CCAR2: variants seen among roughly 807,000 people sequenced by gnomAD.
CCAR2 encodes the protein cell cycle and apoptosis regulator protein 2.
Under a neutral mutation model 108.1 loss-of-function variants are expected in CCAR2, and 21 were observed. The ratio of observed to expected loss-of-function variants is 0.19; its 90% CI spans 0.14 to 0.28. CCAR2 has a LOEUF of 0.28. Among genes scored for constraint, CCAR2 ranks in the 10% least tolerant of loss-of-function variants. CCAR2 has a pLI of 1.00. For missense variants in CCAR2, 1,126 were observed against 1,177.0 expected (o/e 0.96, Z 0.63); for synonymous variants, 577 against 472.8 (o/e 1.22, Z -2.86).
At chr8:22,605,480 G>A in intron 1 of CCAR2, 1 of 383,238 alleles carries the variant, frequency 2.6e-6, no homozygotes, top group Non-Finnish European at 4.8e-6. Context: ...TGATCTCTCT[G>A]AGCATCAGTT....
chr8:22,613,283 T>C, intron 8 of CCAR2, 147 bp downstream of exon 8: 1 of 822,414 alleles, frequency 1.2e-6, no homozygotes, highest in Non-Finnish European at 1.7e-6. Context: ...TTGTACATAC[T>C]GTTTGGTGGT....
chr8:22,608,047 G>A lies in CCAR2; in HGVS notation c.566G>A (p.Arg189Gln), dbSNP rs1196208022. 8 of 1,613,820 alleles carry A rather than the reference G, an allele frequency of 5.0e-6. No homozygotes were observed. Among genetic ancestry groups the A allele is most frequent in the African/African-American group, 1.3e-5 (1 of 75,022 alleles). ...NRFPARGPHG[R>Q]LDQGRSDDYD... is the part of the protein sequence containing the mutation. ...TTTCCTGCCCGGGGCCCTCATGGAC[G>A]GTTGGATCAGGGCCGAAGGTAAGAG... The change falls in exon 7 of 21, where the codon CGG (arginine) becomes CAG (glutamine). Residue 189 changes from arginine to glutamine, a missense_variant. Arg to Gln is a conservative substitution (Grantham distance 43). Around this residue, in one of 4 missense-constraint regions of CCAR2, gnomAD observed 1,013 missense variants for 993.9 expected, o/e 1.02. Coordinates refer to ENST00000308511, the MANE Select transcript of CCAR2 (RefSeq NM_001393997.1).
chr8:22,605,862 C>A, intron 2 of CCAR2, 31 bp downstream of exon 2: 1 of 1,604,988 alleles, frequency 6.2e-7, no homozygotes, highest in Non-Finnish European at 8.5e-7. Context: ...CTGGCCTCAT[C>A]CTGGGAAGTA....
chr8:22,615,948 G>C (rs1420021162), intron 13 of CCAR2, 36 bp downstream of exon 13: 15 of 1,613,116 alleles, frequency 9.3e-6, no homozygotes, highest in Non-Finnish European at 1.3e-5. Context: ...CTGTGGGCTG[G>C]GATTTGTGGG....
At chr8:22,616,443 GAGCAGC>G in intron 14 of CCAR2, 195 bp downstream of exon 14, 1 of 598,616 alleles carries the variant, frequency 1.7e-6, no homozygotes, top group Non-Finnish European at 3.0e-6. Flanking sequence ...GAGCATGGCT[GAGCAGC>G]CTGACAGCAC....
At chr8:22,608,135 T>G (rs1366006797) in intron 7 of CCAR2, 70 bp downstream of exon 7, 13 of 1,312,124 alleles carry the variant, frequency 9.9e-6, no homozygotes, top group Admixed American at 4.1e-5. Context: ...ATTATTATTT[T>G]TTTGTGTTGG....
chr8:22,615,010 G>C lies in CCAR2; in HGVS notation c.1205+9G>C. ...AGCGGCTGTACCAAGTGGTGAGTGGGCTTCCTGAGCCTCAGCTGCACCAAC... is the reference window on the plus strand; with the variant it reads ...AGCGGCTGTACCAAGTGGTGAGTGGCCTTCCTGAGCCTCAGCTGCACCAAC... On this transcript the variant is annotated intron_variant, in intron 11 of 20. Transcript: ENST00000308511. 6.4e-7 allele frequency: 1 copy of C among 1,551,460 alleles called. No homozygotes were observed. The highest frequency in any genetic ancestry group is 8.7e-7 in the Non-Finnish European group (1 of 1,146,576).
At chr8:22,611,404 G>GTGTGTGTGTGTGTGTGTGTGTGTGTA (rs1427803187) in intron 7 of CCAR2, among the ~76,000 whole-genome samples, 1 of 105,254 alleles carries the variant, frequency 9.5e-6, no homozygotes, top group African/African-American at 3.4e-5. Flanking sequence ...GTGTGTGTGT[G>GTGTGTGTGTGTGTGTGTGTGTGTGTA]TATGTGTGTG....
chr8:22,619,878 C>T lies in CCAR2; in HGVS notation c.*196C>T, dbSNP rs1346296438. 1.0e-5 allele frequency: 6 copies of T among 599,008 alleles called. No individual in the cohort carries two copies. Among genetic ancestry groups the T allele is most frequent in the Admixed American group, 5.8e-5 (2 of 34,528 alleles). 37.1% of individuals were successfully genotyped at this position (599,008 alleles called of 1,614,324 possible). A position where few individuals can be genotyped will look rare whatever the true frequency, so the allele number is the denominator to read the frequency against. ...TATGTGGGATGGATGTGTGAGGAAC[C>T]CCGGTTCCACTTAACAACTAAATAC... is the stretch of plus-strand genomic sequence containing the variant. On this transcript the variant is annotated 3_prime_UTR_variant, in exon 21 of 21. Transcript: ENST00000308511.
chr8:22,614,368 CTGAG>C lies in CCAR2; in HGVS notation c.928-19_928-16del. 1 of 1,613,908 alleles carries C rather than the reference CTGAG, an allele frequency of 6.2e-7. No homozygotes were observed. The highest frequency in any genetic ancestry group is 8.5e-7 in the Non-Finnish European group (1 of 1,179,794). ...TGATTTCTGGAGGCTGAAGGCAGCT[CTGAG>C]TGTCTCCTCCTGCACAGGTACTGCT... On this transcript the variant is annotated intron_variant, in intron 9 of 20. Coordinates refer to ENST00000308511, the MANE Select transcript of CCAR2 (RefSeq NM_001393997.1).
Position 22,608,064 on chromosome 8 carries a change from A to T in CCAR2, c.583A>T (p.Ser195Cys). The change falls in exon 7 of 21, where the codon AGT becomes TGT. Residue 195 changes from serine (S) to cysteine (C), a missense_variant and splice_region_variant. Transcript: ENST00000308511. ...GPHGRLDQGR[S>C]DDYDSKKRKQ... Reference sequence around the variant, plus strand: ...TCATGGACGGTTGGATCAGGGCCGAAGGTAAGAGGATGATGTCCCTTTTTT... The same window carrying T: ...TCATGGACGGTTGGATCAGGGCCGATGGTAAGAGGATGATGTCCCTTTTTT... 1 of 1,611,512 alleles carries T rather than the reference A, an allele frequency of 6.2e-7. No homozygotes were observed. Among genetic ancestry groups the T allele is most frequent in the Non-Finnish European group, 8.5e-7 (1 of 1,178,432 alleles).
In CCAR2 at chr8:22,614,200, G is replaced by C. The variant is rs976481992; in HGVS notation, c.813G>C (p.Gln271His). 1 of 1,613,958 alleles carries C rather than the reference G, an allele frequency of 6.2e-7. No homozygotes were observed. Among genetic ancestry groups the C allele is most frequent in the African/African-American group, 1.3e-5 (1 of 74,936 alleles). ...LSWLSAFPLSQPFSLHHPSRI... is the reference protein window; with the variant it reads ...LSWLSAFPLSHPFSLHHPSRI... ...GGCTATCAGCCTTCCCCCTGAGCCA[G>C]CCCTTTTCCCTCCATCATCCAAGCC... is the stretch of plus-strand genomic sequence containing the variant. The change falls in exon 9 of 21, where the codon CAG becomes CAC. Residue 271 changes from glutamine (Q) to histidine (H), a missense_variant. This residue lies in a region of CCAR2 where 1,013 missense variants were observed against 993.9 expected (regional missense o/e 1.02). Transcript: ENST00000308511.
At position 22,618,860 on chromosome 8, in the gene CCAR2, G is replaced by C; in HGVS notation, c.2366G>C (p.Ser789Thr). The C allele has an allele frequency of 1.2e-6, 2 of 1,613,972 alleles. No individual in the cohort carries two copies. The highest frequency in any genetic ancestry group is 1.1e-5 in the South Asian group (1 of 91,088). Reference sequence around the variant, plus strand: ...GACCTGCTGCCCCCTCCTGGGAAAAGCACGAAGCCAGGTGCTGCCCCCACA... The same window carrying C: ...GACCTGCTGCCCCCTCCTGGGAAAACCACGAAGCCAGGTGCTGCCCCCACA... Reference protein sequence around the residue: ...NLDLLPPPGKSTKPGAAPTEH... With the variant: ...NLDLLPPPGKTTKPGAAPTEH... The change falls in exon 19 of 21, where the codon AGC becomes ACC. Residue 789 changes from serine to threonine, a missense_variant. Around this residue, in one of 4 missense-constraint regions of CCAR2, gnomAD observed 1,013 missense variants for 993.9 expected, o/e 1.02. Coordinates refer to ENST00000308511, the MANE Select transcript of CCAR2 (RefSeq NM_001393997.1).
rs749383118 is a variant in CCAR2, at chr8:22,614,672, CAG to C, written c.1042-159_1042-158del. ...GCAGCTCAGAGCTGTTACGACTAGTCAGAGAGAGCGAGGTGGCTGGTTCATGT... is the reference window on the plus strand; with the variant it reads ...GCAGCTCAGAGCTGTTACGACTAGTCAGAGAGCGAGGTGGCTGGTTCATGT... On this transcript the variant is annotated intron_variant, in intron 10 of 20. Coordinates refer to ENST00000308511, the MANE Select transcript of CCAR2 (RefSeq NM_001393997.1). The C allele has an allele frequency of 9.4e-6, 10 of 1,061,222 alleles. No homozygotes were observed. In the East Asian group the frequency reaches 1.0e-4, roughly 11 times the overall value. 65.7% of individuals were successfully genotyped at this position (1,061,222 alleles called of 1,614,324 possible). A position where few individuals can be genotyped will look rare whatever the true frequency, so the allele number is the denominator to read the frequency against.
intron 16 of CCAR2, 98 bp from the exon 17 acceptor site, chr8:22,618,232 AGGCATGCATCACTGCATGT>A: frequency 7.4e-7 from 1 of 1,348,712 alleles, no homozygotes. Flanking sequence ...CTGGGACTTC[AGGCATGCATCACTGCATGT>A]GGCCCAAGCC....
downstream of CCAR2, chr8:22,620,753 A>C (rs1302326884): frequency 6.6e-6 from 1 of 152,250 alleles, no homozygotes; most frequent in Non-Finnish European, 1.5e-5. Flanking sequence ...ATAAAATTCC[A>C]GATACTCAGG....
rs765847314 is a variant in CCAR2, at chr8:22,605,742, C to T, written c.-32C>T. On this transcript the variant is annotated 5_prime_UTR_variant, in exon 2 of 21. Transcript: ENST00000308511. ...CTTTCTTTTTGGATTGAAGCCTTTT[C>T]CCCACGACTCTGAAAGAGGACAGCG... The T allele has an allele frequency of 6.2e-7, 1 of 1,601,082 alleles. No homozygotes were observed. Among genetic ancestry groups the T allele is most frequent in the Non-Finnish European group, 8.6e-7 (1 of 1,169,496 alleles).
chr8:22,613,270 C>G (rs1337048461), intron 8 of CCAR2, 134 bp downstream of exon 8: 20 of 956,174 alleles, frequency 2.1e-5, no homozygotes, highest in South Asian at 1.5e-4. Flanking sequence ...ACATGGAAAC[C>G]TGTTGTACAT....
chr8:22,614,633 C>T, intron 10 of CCAR2, 130 bp downstream of exon 10: 4 of 1,056,310 alleles, frequency 3.8e-6, no homozygotes, highest in Non-Finnish European at 5.7e-6. Flanking sequence ...CCTCATTTCA[C>T]CCAGGAGGAA....
Sources: allele counts gnomAD v4.1 joint callset (sites outside exome capture counted in the v4.1 genomes callset), GRCh38; gene constraint gnomAD v4.1.1; regional missense constraint gnomAD v4.1.1; transcripts MANE v1.5; gene names NCBI Gene and HGNC (gene_info 2026-07-23, HGNC 2026-07-21).